The following CLNK variants were observed in gnomAD, a reference collection of about 807,000 sequenced individuals.
CLNK encodes cytokine dependent hematopoietic cell linker.
Under a neutral mutation model 68.6 loss-of-function variants are expected in CLNK, and 74 were observed. That is an observed-to-expected ratio of 1.08 (90% CI 0.89 to 1.31). The LOEUF is 1.31. CLNK is among the 50% of genes most tolerant of loss of function. The pLI, the probability that CLNK is intolerant of heterozygous loss-of-function variation, is 0.00. For missense variants in CLNK, 553 were observed against 515.3 expected (o/e 1.07, Z -0.71); for synonymous variants, 198 against 172.2 (o/e 1.15, Z -1.17).
At chr4:10,559,984 CA>C (rs1371986312) in intron 7 of CLNK, among the ~76,000 whole-genome samples, 1 of 152,038 alleles carries the variant, frequency 6.6e-6, no homozygotes, top group Non-Finnish European at 1.5e-5. Context: ...TTGTGACAAC[CA>C]AAAATGTGAC....
chr4:10,715,119 T>G, the CLNK span, among the ~76,000 whole-genome samples: 3 of 152,220 alleles, frequency 2.0e-5, no homozygotes, highest in Non-Finnish European at 4.4e-5. Context: ...TTGTCCTTTA[T>G]ATATTGTCAA....
Position 10,507,962 on chromosome 4 carries a change from G to T in CLNK, c.981C>A (p.Asn327Lys), listed in dbSNP as rs764662623. The T allele has an allele frequency of 6.2e-7, 1 of 1,603,416 alleles. No homozygotes were observed. Among genetic ancestry groups the T allele is most frequent in the East Asian group, 2.2e-5 (1 of 44,744 alleles). Reference sequence around the variant, plus strand: ...TGGGCCACGTAGAAGGCATTACCTTGTTCTCCTTCATGAATGCCTCTTCCA... The same window carrying T: ...TGGGCCACGTAGAAGGCATTACCTTTTTCTCCTTCATGAATGCCTCTTCCA... ...QAVEEAFMKE[N>K]KDGSFLVRDC... Residue 327 changes from asparagine (N) to lysine (K), a missense_variant, in exon 17 of 19, where the codon AAC becomes AAA. Asn to Lys is a moderately conservative substitution (Grantham distance 94). Transcript: ENST00000226951.
At chr4:10,519,069 T>C (rs13125086) in intron 15 of CLNK, among the ~76,000 whole-genome samples, 9,642 of 152,262 alleles carry the variant, frequency 0.063, 390 homozygotes, top group East Asian at 0.14. Flanking sequence ...GTACAAACCA[T>C]GTTCTTGTGG....
chr4:10,712,876 G>A, the CLNK span, among the ~76,000 whole-genome samples: 4 of 152,176 alleles, frequency 2.6e-5, no homozygotes, highest in East Asian at 1.9e-4. Flanking sequence ...AAGGAAAGAG[G>A]TGACTAAACT....
intron 2 of CLNK, among the ~76,000 whole-genome samples, chr4:10,610,385 A>G (rs1721966034): frequency 6.6e-6 from 1 of 151,114 alleles, no homozygotes; most frequent in African/African-American, 2.4e-5. Context: ...GGAGAGAAAA[A>G]GAGAAAGACA....
chr4:10,627,659 CCTT>C (rs1014416009), intron 2 of CLNK, among the ~76,000 whole-genome samples: 13 of 152,078 alleles, frequency 8.5e-5, no homozygotes, highest in African/African-American at 3.1e-4. Context: ...TCTGTCTCCT[CCTT>C]CTGCTGCTGC....
At chr4:10,494,682 C>G (rs1428342925) in intron 18 of CLNK, among the ~76,000 whole-genome samples, 2 of 152,200 alleles carry the variant, frequency 1.3e-5, no homozygotes, top group African/African-American at 4.8e-5. Flanking sequence ...TGGTCTTGAA[C>G]TCTTGACCTC....
intron 2 of CLNK, among the ~76,000 whole-genome samples, chr4:10,617,384 T>G (rs886099796): frequency 1.3e-5 from 2 of 152,186 alleles, no homozygotes; most frequent in African/African-American, 4.8e-5. Context: ...GAATATTTGT[T>G]AATAGGATTG....
the CLNK span, chr4:10,692,153 T>C: frequency 6.6e-6 from 1 of 152,164 alleles, no homozygotes; most frequent in Non-Finnish European, 1.5e-5. Context: ...AACTGACGCT[T>C]TTTCCAACAT....
intron 2 of CLNK, among the ~76,000 whole-genome samples, chr4:10,637,572 C>A (rs1331876894): frequency 6.8e-6 from 1 of 147,034 alleles, no homozygotes; most frequent in Non-Finnish European, 1.5e-5. Flanking sequence ...TGGAACATGC[C>A]CACCATTCCT....
In CLNK at chr4:10,634,533, C is replaced by A. The variant is rs183661866; in HGVS notation, c.11+33326G>T. Among the ~76,000 whole-genome samples the A allele has an allele frequency of 3.9e-3, 590 of 152,332 alleles. 2 individuals are homozygous for A. The highest frequency in any genetic ancestry group is 0.017 in the Middle Eastern group (5 of 294). On this transcript the variant is annotated intron_variant, in intron 2 of 18. Transcript: ENST00000226951. ...TTGATCTAAGGAAGAGCAAAGAACC[C>A]AGCAGCCTGGATTCTGCCTACTGGG...
chr4:10,595,373 C>A (rs930045633), intron 3 of CLNK, among the ~76,000 whole-genome samples: 3 of 152,108 alleles, frequency 2.0e-5, no homozygotes, highest in Non-Finnish European at 4.4e-5. Context: ...GTTTTTCTTT[C>A]ATTATAGACA....
chr4:10,512,509 G>A (rs1717635398), intron 16 of CLNK, among the ~76,000 whole-genome samples: 1 of 152,014 alleles, frequency 6.6e-6, no homozygotes, highest in Non-Finnish European at 1.5e-5. Context: ...GAGATTACAG[G>A]CATGAGCCAC....
rs112699055 is a variant in CLNK at position 10,495,655 on chromosome 4, A to G, written c.1141-5042T>C. Reference sequence around the variant, plus strand: ...ACTATTTTACATGGTATAATACAGGATAAAGTTAAGGATCCTGAGAAGGGG... The same window carrying G: ...ACTATTTTACATGGTATAATACAGGGTAAAGTTAAGGATCCTGAGAAGGGG... On this transcript the variant is annotated intron_variant, in intron 18 of 18. Transcript: ENST00000226951. 1.2e-3 allele frequency among the ~76,000 whole-genome samples: 190 copies of G among 152,306 alleles called. 2 individuals carry two copies. Among genetic ancestry groups the G allele is most frequent in the African/African-American group, 4.3e-3 (180 of 41,562 alleles).
At chr4:10,589,364 G>C (rs531607236) in intron 3 of CLNK, among the ~76,000 whole-genome samples, 11 of 152,264 alleles carry the variant, frequency 7.2e-5, no homozygotes, top group African/African-American at 2.2e-4. Context: ...TTGTCTGGGA[G>C]CTTCCTCCCA....
chr4:10,514,789 G>T (rs1717756826), intron 15 of CLNK, among the ~76,000 whole-genome samples: 4 of 151,692 alleles, frequency 2.6e-5, no homozygotes, highest in African/African-American at 7.3e-5. Flanking sequence ...CACAGCAAAA[G>T]AAACTACCAT....
chr4:10,600,570 C>T (rs899045107), intron 2 of CLNK, among the ~76,000 whole-genome samples: 2 of 152,066 alleles, frequency 1.3e-5, no homozygotes, highest in East Asian at 1.9e-4. Context: ...TGCATTGGAG[C>T]CTTGCAAGGG....
At chr4:10,536,673 C>A (rs1412381197) in intron 11 of CLNK, among the ~76,000 whole-genome samples, 3 of 152,132 alleles carry the variant, frequency 2.0e-5, no homozygotes, top group African/African-American at 7.2e-5. Flanking sequence ...GCTTAGGAAA[C>A]ATACTTTACA....
intron 1 of CLNK, among the ~76,000 whole-genome samples, chr4:10,676,522 A>C (rs956455305): frequency 6.6e-6 from 1 of 151,936 alleles, no homozygotes. Flanking sequence ...TCTCAAGGCA[A>C]TGTGACTGTG....
Sources: gnomAD v4.1 joint callset for allele counts (sites outside exome capture counted in the v4.1 genomes callset) on GRCh38, gnomAD v4.1.1 for gene constraint, MANE v1.5 for transcripts, NCBI Gene and HGNC (gene_info 2026-07-23, HGNC 2026-07-21) for gene names.